CACNB2: variants seen among roughly 807,000 people sequenced by gnomAD.
CACNB2 encodes the protein voltage-dependent L-type calcium channel subunit beta-2.
In CACNB2, 42 loss-of-function variants were observed where a neutral mutation model predicts 73.3. That is an observed-to-expected ratio of 0.57 (90% CI 0.45 to 0.74). The LOEUF (loss-of-function observed/expected upper bound fraction) is 0.74. Among genes scored for constraint, CACNB2 ranks in the 30% least tolerant of loss-of-function variants. The probability of loss-of-function intolerance (pLI) is 0.00; values close to 1 mark genes in which losing one functional copy is unlikely to be tolerated. For synonymous variants in CACNB2, 348 were observed against 310.3 expected (o/e 1.12, Z -1.28); for missense variants, 940 against 853.0 (o/e 1.10, Z -1.27).
Position 18,379,202 on chromosome 10 carries a change from A to G in CACNB2, c.214-22722A>G, listed in dbSNP as rs145221003. Among the ~76,000 whole-genome samples the G allele has an allele frequency of 6.3e-3, 958 of 152,052 alleles. 5 individuals carry two copies. Among genetic ancestry groups the G allele is most frequent in the African/African-American group, 0.022 (912 of 41,478 alleles). The stretch of plus-strand genomic sequence containing the variant: ...TTTGCCATTTTAACCACTTCTATTT[A>G]TTTTTATTTATTTATTTTTTGTTTG... On this transcript the variant is annotated intron_variant, in intron 2 of 13. Transcript: ENST00000324631.
intron 2 of CACNB2, among the ~76,000 whole-genome samples, chr10:18,362,395 A>T (rs1474429487): frequency 6.6e-6 from 1 of 152,206 alleles, no homozygotes; most frequent in African/African-American, 2.4e-5. Context: ...AAATTTATGA[A>T]AATTTGACTA....
intron 2 of CACNB2, among the ~76,000 whole-genome samples, chr10:18,223,797 G>A (rs1387646622): frequency 6.6e-6 from 1 of 152,028 alleles, no homozygotes; most frequent in African/African-American, 2.4e-5. Context: ...TTCAATTTCA[G>A]AGACAGAATC....
At chr10:18,324,707 T>G (rs2040516823) in intron 2 of CACNB2, among the ~76,000 whole-genome samples, 1 of 152,046 alleles carries the variant, frequency 6.6e-6, no homozygotes. Flanking sequence ...AATACAAAAA[T>G]TAACTGGGTG....
intron 2 of CACNB2, among the ~76,000 whole-genome samples, chr10:18,185,180 A>C (rs909375066): frequency 6.6e-6 from 1 of 152,178 alleles, no homozygotes; most frequent in Admixed American, 6.5e-5. Flanking sequence ...GAAGATTACC[A>C]GTTAGATATT....
chr10:18,527,098 G>C (rs1250535329), intron 9 of CACNB2, among the ~76,000 whole-genome samples: 7 of 151,140 alleles, frequency 4.6e-5, no homozygotes, highest in African/African-American at 1.7e-4. Context: ...GTGCAGGATA[G>C]GGCCGGGCGC....
rs186722236 is a variant in CACNB2, at chr10:18,473,799, G to A, written c.334-24556G>A. ...TTTTCCTAGCTGTAAAATAGCAATC[G>A]AAAACTGCCATCTAAAGTGAAAAAT... On this transcript the variant is annotated intron_variant, in intron 3 of 13. Coordinates refer to ENST00000324631, the MANE Select transcript of CACNB2 (RefSeq NM_201596.3). Among the ~76,000 whole-genome samples, 37 of 152,230 alleles carry A rather than the reference G, an allele frequency of 2.4e-4. 1 individual carries two copies. The East Asian group carries it at 6.0e-3, about 25-fold the overall frequency.
intron 3 of CACNB2, among the ~76,000 whole-genome samples, chr10:18,420,073 T>A (rs913180560): frequency 2.0e-5 from 3 of 152,220 alleles, no homozygotes; most frequent in Non-Finnish European, 4.4e-5. Flanking sequence ...CCCCTGGGAA[T>A]GTAACCCAGC....
chr10:18,522,646 G>A (rs1383594234), intron 9 of CACNB2, among the ~76,000 whole-genome samples: 4 of 152,010 alleles, frequency 2.6e-5, no homozygotes, highest in East Asian at 1.9e-4. Context: ...TTGGGAGGCC[G>A]AGGCGGGTGG....
In CACNB2 at chr10:18,215,933, T is replaced by C. The variant is rs2035493424; in HGVS notation, c.213+64958T>C. ...GATGCTCTGTGAACAATTGTGCTTA[T>C]GGTTATGTAGACTTTTAGAATCCTT... On this transcript the variant is annotated intron_variant, in intron 2 of 13. Coordinates refer to ENST00000324631, the MANE Select transcript of CACNB2 (RefSeq NM_201596.3). 1.3e-5 allele frequency among the ~76,000 whole-genome samples: 2 copies of C among 152,176 alleles called. 1 individual carries two copies. Among genetic ancestry groups the C allele is most frequent in the South Asian group, 4.1e-4 (2 of 4,834 alleles).
intron 3 of CACNB2, among the ~76,000 whole-genome samples, chr10:18,442,337 GAT>G (rs1435300911): frequency 6.6e-6 from 1 of 151,816 alleles, no homozygotes; most frequent in Admixed American, 6.6e-5. Flanking sequence ...TTTTAGTAGA[GAT>G]GGGTTTCACC....
rs145430651 is a variant in CACNB2 at position 18,470,444 on chromosome 10, T to C, written c.334-27911T>C. On this transcript the variant is annotated intron_variant, in intron 3 of 13. Transcript: ENST00000324631. ...CATATGGTGTATATTATATGTGGTA[T>C]ATATTATATAGAGACTGATATACTG... 6.1e-3 allele frequency among the ~76,000 whole-genome samples: 920 copies of C among 150,434 alleles called. 13 individuals carry two copies. The highest frequency in any genetic ancestry group is 0.022 in the African/African-American group (886 of 41,122).
At chr10:18,428,086 G>C (rs964019033) in intron 3 of CACNB2, among the ~76,000 whole-genome samples, 13 of 151,794 alleles carry the variant, frequency 8.6e-5, no homozygotes, top group African/African-American at 2.9e-4. Flanking sequence ...TTTTCATTTT[G>C]ATTTTTTTAT....
Position 18,152,709 on chromosome 10 carries a change from C to CAAAAAAAAAAAAAAAAA in CACNB2, c.213+1741_213+1757dup, listed in dbSNP as rs772732675. On this transcript the variant is annotated intron_variant, in intron 2 of 13. Transcript: ENST00000324631. ...TCATCATGCAGGACCTGAAACAGAC[C>CAAAAAAAAAAAAAAAAA]AAAAAAAAAAAAAAAAAAAAAAACA... Among the ~76,000 whole-genome samples the CAAAAAAAAAAAAAAAAA allele has an allele frequency of 1.5e-3, 74 of 49,352 alleles. 2 individuals carry two copies. The highest frequency in any genetic ancestry group is 4.2e-3 in the African/African-American group (55 of 13,078). 32.4% of individuals were successfully genotyped at this position (49,352 alleles called of 152,430 possible).
intron 2 of CACNB2, among the ~76,000 whole-genome samples, chr10:18,320,380 G>A (rs1273393462): frequency 2.6e-5 from 4 of 152,112 alleles, no homozygotes; most frequent in African/African-American, 7.2e-5. Flanking sequence ...AGTTAAGTAC[G>A]AAACAAATTT....
At chr10:18,312,525 C>T (rs974477717) in intron 2 of CACNB2, among the ~76,000 whole-genome samples, 4 of 152,124 alleles carry the variant, frequency 2.6e-5, no homozygotes, top group African/African-American at 9.7e-5. Flanking sequence ...TTGTCGATGA[C>T]TATAAGGAGA....
intron 6 of CACNB2, among the ~76,000 whole-genome samples, chr10:18,506,985 G>C (rs1370537433): frequency 6.6e-6 from 1 of 152,084 alleles, no homozygotes; most frequent in Non-Finnish European, 1.5e-5. Context: ...TTTTTGTAGA[G>C]ATGGAGTTTC....
In CACNB2 at chr10:18,487,600, CGAGGTGGGTGGATCATCT is replaced by C. The variant is rs760599618; in HGVS notation, c.334-10749_334-10732del. ...CTGTTATCCCAGCACTTTGGGAGAC[CGAGGTGGGTGGATCATCT>C]GAGGTCAGGAGTTAGAGACCAGCCT... is the stretch of plus-strand genomic sequence containing the variant. On this transcript the variant is annotated intron_variant, in intron 3 of 13. Transcript: ENST00000324631. Among the ~76,000 whole-genome samples, 51 of 152,122 alleles carry C rather than the reference CGAGGTGGGTGGATCATCT, an allele frequency of 3.4e-4. 3 individuals carry two copies. In the South Asian group the frequency reaches 9.8e-3, roughly 29 times the overall value.
rs927076515 is a variant in CACNB2 at position 18,140,503 on chromosome 10, C to T, written c.-234C>T. Among the ~76,000 whole-genome samples, 2 of 151,712 alleles carry T rather than the reference C, an allele frequency of 1.3e-5. No homozygotes were observed. Among genetic ancestry groups the T allele is most frequent in the Non-Finnish European group, 2.9e-5 (2 of 67,888 alleles). On this transcript the variant is annotated 5_prime_UTR_variant, in exon 1 of 14. Transcript: ENST00000324631. ...CCCAGGCACCGCAGCCGCGCCCCCG[C>T]GTCCCGCCTCCCGAGCGGCTCGCTT... is the stretch of plus-strand genomic sequence containing the variant.
chr10:18,411,015 G>A (rs1436628392), intron 3 of CACNB2, among the ~76,000 whole-genome samples: 1 of 151,862 alleles, frequency 6.6e-6, no homozygotes, highest in African/African-American at 2.4e-5. Context: ...ATCCAGCAGC[G>A]ATACCTTATG....
Sources: allele counts gnomAD v4.1 joint callset (sites outside exome capture counted in the v4.1 genomes callset), GRCh38; gene constraint gnomAD v4.1.1; transcripts MANE v1.5; gene names NCBI Gene and HGNC (gene_info 2026-07-23, HGNC 2026-07-21).